DIAPH3: variants seen among roughly 807,000 people sequenced by gnomAD.
DIAPH3 encodes diaphanous related formin 3, also known as protein diaphanous homolog 3.
In DIAPH3, 117 loss-of-function variants were observed where a neutral mutation model predicts 144.3. That is an observed-to-expected ratio of 0.81 (90% CI 0.70 to 0.95). The LOEUF (loss-of-function observed/expected upper bound fraction) is 0.95, where lower values mean the gene tolerates loss of function less well. Among genes scored for constraint, DIAPH3 ranks in the 40% least tolerant of loss-of-function variants. DIAPH3 has a pLI of 0.00. For missense variants in DIAPH3, 1,421 were observed against 1,412.7 expected, an observed-to-expected ratio of 1.01 and a Z score of -0.09; for synonymous variants, 519 against 488.9, an observed-to-expected ratio of 1.06 and a Z score of -0.81.
intron 27 of DIAPH3, among the ~76,000 whole-genome samples, chr13:59,706,796 T>TC (rs1374585917): frequency 1.3e-5 from 2 of 152,204 alleles, no homozygotes; most frequent in Non-Finnish European, 2.9e-5. Flanking sequence ...CTCCTTTTTT[T>TC]CTCTCCTGTT....
intron 15 of DIAPH3, 35 bp downstream of exon 15, chr13:59,974,317 T>C (rs777721970): frequency 6.5e-7 from 1 of 1,539,386 alleles, no homozygotes; most frequent in East Asian, 2.3e-5. Context: ...TCACTGTGTT[T>C]TTAATACCCA....
intron 22 of DIAPH3, among the ~76,000 whole-genome samples, chr13:59,848,356 T>C (rs1486177387): frequency 6.7e-6 from 1 of 149,080 alleles, no homozygotes; most frequent in Non-Finnish European, 1.5e-5. Flanking sequence ...AGGGTACATG[T>C]GCACATTGTG....
chr13:60,048,833 G>A (rs371611277), intron 4 of DIAPH3, among the ~76,000 whole-genome samples: 4 of 85,398 alleles, frequency 4.7e-5, no homozygotes, highest in Admixed American at 3.9e-4. Flanking sequence ...GATACTCCTG[G>A]AACTCTTCTA....
chr13:59,978,819 A>AT (rs1211934851), intron 14 of DIAPH3, among the ~76,000 whole-genome samples: 2 of 151,734 alleles, frequency 1.3e-5, no homozygotes, highest in African/African-American at 2.4e-5. Flanking sequence ...AAAAATGTTG[A>AT]AAGACACAGT....
chr13:60,004,735 A>T (rs1267133092), intron 9 of DIAPH3, among the ~76,000 whole-genome samples: 1 of 152,226 alleles, frequency 6.6e-6, no homozygotes, highest in Non-Finnish European at 1.5e-5. Flanking sequence ...TAAGAACTAT[A>T]TCAAGAAATT....
intron 20 of DIAPH3, among the ~76,000 whole-genome samples, chr13:59,883,987 C>T (rs1005021550): frequency 3.9e-5 from 6 of 152,132 alleles, no homozygotes; most frequent in Non-Finnish European, 5.9e-5. Context: ...AGGGATCCCA[C>T]ACCAGTAACT....
chr13:59,771,657 T>C (rs1238532899), intron 27 of DIAPH3, among the ~76,000 whole-genome samples: 1 of 152,152 alleles, frequency 6.6e-6, no homozygotes, highest in Non-Finnish European at 1.5e-5. Flanking sequence ...GAGTATGGCA[T>C]GGCAAAGAAA....
chr13:60,012,856 C>T (rs980825703), intron 7 of DIAPH3: 5 of 288,974 alleles, frequency 1.7e-5, no homozygotes, highest in Non-Finnish European at 1.5e-5. Context: ...AAGTCCATCA[C>T]AGGTAACGTT....
At chr13:59,818,114 G>A (rs571153266) in intron 24 of DIAPH3, among the ~76,000 whole-genome samples, 46 of 151,782 alleles carry the variant, frequency 3.0e-4, no homozygotes, top group Non-Finnish European at 2.7e-4. Context: ...AGCCACAGCC[G>A]TTTATTTACA....
chr13:59,757,131 C>T (rs1394451852), intron 27 of DIAPH3, among the ~76,000 whole-genome samples: 2 of 151,832 alleles, frequency 1.3e-5, no homozygotes, highest in Admixed American at 6.6e-5. Context: ...ACCATTTTGT[C>T]GATAGTAAAA....
chr13:59,681,762 T>A (rs1045074652), intron 27 of DIAPH3, among the ~76,000 whole-genome samples: 2 of 152,150 alleles, frequency 1.3e-5, no homozygotes, highest in Non-Finnish European at 2.9e-5. Context: ...TAATTCACAA[T>A]GAGGAAGGAG....
At chr13:60,078,770 G>A (rs1383969107) in intron 4 of DIAPH3, among the ~76,000 whole-genome samples, 1 of 151,462 alleles carries the variant, frequency 6.6e-6, no homozygotes, top group East Asian at 1.9e-4. Flanking sequence ...CAAATATGAG[G>A]TATAGACAAA....
chr13:60,039,164 T>A (rs377182102), intron 5 of DIAPH3, among the ~76,000 whole-genome samples: 1 of 152,018 alleles, frequency 6.6e-6, no homozygotes, highest in African/African-American at 2.4e-5. Context: ...ACATAATTCA[T>A]AGAGAGTAAA....
chr13:59,726,151 A>T (rs1312196588), intron 27 of DIAPH3, among the ~76,000 whole-genome samples: 1 of 152,214 alleles, frequency 6.6e-6, no homozygotes, highest in Non-Finnish European at 1.5e-5. Flanking sequence ...TATTTCATAT[A>T]GCCAAATTTA....
intron 27 of DIAPH3, among the ~76,000 whole-genome samples, chr13:59,672,076 T>A (rs573276733): frequency 6.6e-6 from 1 of 152,246 alleles, no homozygotes; most frequent in Non-Finnish European, 1.5e-5. Flanking sequence ...TGTGAATATA[T>A]GCAACTTGGC....
chr13:59,773,962 A>G (rs2038254386), intron 27 of DIAPH3: 4 of 479,336 alleles, frequency 8.3e-6, no homozygotes, highest in Non-Finnish European at 1.1e-5. Flanking sequence ...TAATAATAAA[A>G]AATTCACTAG....
At chr13:59,756,440 GGAAA>G (rs1306464702) in intron 27 of DIAPH3, among the ~76,000 whole-genome samples, 113 of 126,496 alleles carry the variant, frequency 8.9e-4, no homozygotes, top group South Asian at 4.6e-3. Flanking sequence ...AAGGAAGGAA[GGAAA>G]GAAGGAAGGA....
intron 17 of DIAPH3, among the ~76,000 whole-genome samples, chr13:59,948,531 G>A (rs1223154481): frequency 1.3e-5 from 2 of 152,172 alleles, no homozygotes; most frequent in East Asian, 3.9e-4. Flanking sequence ...GCTTACTGCA[G>A]CTTCAAAACT....
chr13:60,135,571 C>G (rs1204139716), intron 1 of DIAPH3, among the ~76,000 whole-genome samples: 1 of 152,196 alleles, frequency 6.6e-6, no homozygotes, highest in Non-Finnish European at 1.5e-5. Flanking sequence ...TTCTCACCAT[C>G]AGCAAGAGAA....
Sources: gnomAD v4.1 joint callset for allele counts (sites outside exome capture counted in the v4.1 genomes callset) on GRCh38, gnomAD v4.1.1 for gene constraint, MANE v1.5 for transcripts, NCBI Gene and HGNC (gene_info 2026-07-23, HGNC 2026-07-21) for gene names.